Variants in TAS2R1 observed in about 807,000 individuals in gnomAD.
The protein encoded by TAS2R1 is taste receptor type 2 member 1.
For missense variants in TAS2R1, 370 were observed against 353.4 expected, an observed-to-expected ratio of 1.05 and a Z score of -0.38; for synonymous variants, 141 against 134.2, an observed-to-expected ratio of 1.05 and a Z score of -0.35.
At chr5:9,813,310 A>T in the TAS2R1 span, among the ~76,000 whole-genome samples, 1 of 152,206 alleles carries the variant, frequency 6.6e-6, no homozygotes, top group Non-Finnish European at 1.5e-5. Flanking sequence ...CACAACTGTG[A>T]GACAATACAT....
intron 2 of TAS2R1, among the ~76,000 whole-genome samples, chr5:9,644,158 T>A (rs889212418): frequency 6.6e-6 from 1 of 152,182 alleles, no homozygotes; most frequent in Non-Finnish European, 1.5e-5. Flanking sequence ...GGAAGCTTTG[T>A]TATAATCACA....
chr5:9,883,115 T>A, the TAS2R1 span, among the ~76,000 whole-genome samples: 1 of 152,130 alleles, frequency 6.6e-6, no homozygotes. Flanking sequence ...CTCAGCAAAG[T>A]AATGCAGGAA....
At chr5:9,849,922 C>T in the TAS2R1 span, among the ~76,000 whole-genome samples, 1 of 152,194 alleles carries the variant, frequency 6.6e-6, no homozygotes, top group African/African-American at 2.4e-5. Context: ...AGACCAAACA[C>T]TCACCCAGAT....
chr5:9,770,967 T>C, the TAS2R1 span, among the ~76,000 whole-genome samples: 20 of 152,318 alleles, frequency 1.3e-4, no homozygotes, highest in African/African-American at 4.6e-4. Flanking sequence ...ATCCTTGTCA[T>C]GTTGCAGATC....
At position 9,660,764 on chromosome 5, in the gene TAS2R1, G is replaced by C. The variant is rs73743132; in HGVS notation, c.-241-1183C>G. Among the ~76,000 whole-genome samples the C allele has an allele frequency of 8.6e-3, 1,308 of 152,296 alleles. 20 individuals are homozygous for C. Among genetic ancestry groups the C allele is most frequent in the African/African-American group, 0.029 (1,201 of 41,546 alleles). ...CTGAGTGGATCCAGTCTAATTGCAT[G>C]AGTTCTTAAAATAGGAAGGGGAATC... On this transcript the variant is annotated intron_variant, in intron 1 of 2. Coordinates refer to the TAS2R1 transcript ENST00000506620.
chr5:9,810,564 G>C, the TAS2R1 span, among the ~76,000 whole-genome samples: 11 of 152,136 alleles, frequency 7.2e-5, no homozygotes, highest in Non-Finnish European at 1.2e-4. Flanking sequence ...TAGGTTTCAG[G>C]GGGGCATGGG....
chr5:9,681,046 A>G (rs1006282171), intron 1 of TAS2R1, among the ~76,000 whole-genome samples: 6 of 152,154 alleles, frequency 3.9e-5, no homozygotes, highest in Non-Finnish European at 7.3e-5. Context: ...TGGGTGACAG[A>G]GAGAGACTCC....
At chr5:9,687,602 ATGTCCTCC>A (rs1741154148) in intron 1 of TAS2R1, among the ~76,000 whole-genome samples, 1 of 152,172 alleles carries the variant, frequency 6.6e-6, no homozygotes, top group African/African-American at 2.4e-5. Context: ...GAAGAAAACA[ATGTCCTCC>A]GGTTGGTCCC....
the TAS2R1 span, among the ~76,000 whole-genome samples, chr5:9,831,186 T>C: frequency 3.3e-5 from 5 of 152,178 alleles, no homozygotes; most frequent in Non-Finnish European, 5.9e-5. Context: ...GACTGTAACT[T>C]GGTGGAACTC....
the TAS2R1 span, among the ~76,000 whole-genome samples, chr5:9,774,638 C>G: frequency 2.2e-4 from 34 of 152,262 alleles, no homozygotes; most frequent in Admixed American, 2.0e-3. Flanking sequence ...GTAGCCATAT[C>G]TGCATTAGGG....
At chr5:9,640,514 A>AC (rs1311634596) in intron 2 of TAS2R1, among the ~76,000 whole-genome samples, 1 of 150,644 alleles carries the variant, frequency 6.6e-6, no homozygotes, top group Admixed American at 6.6e-5. Flanking sequence ...AAAAAAAAAA[A>AC]AAAAAAAACA....
At chr5:9,897,046 G>C in the TAS2R1 span, among the ~76,000 whole-genome samples, 1 of 152,182 alleles carries the variant, frequency 6.6e-6, no homozygotes, top group African/African-American at 2.4e-5. Context: ...TAGGGCACCA[G>C]GAAAAATGGC....
At chr5:9,836,834 C>T in the TAS2R1 span, among the ~76,000 whole-genome samples, 1 of 152,096 alleles carries the variant, frequency 6.6e-6, no homozygotes, top group South Asian at 2.1e-4. Flanking sequence ...AAAATCATTG[C>T]AAGATTTTGC....
At chr5:9,847,247 T>A in the TAS2R1 span, among the ~76,000 whole-genome samples, 1 of 152,226 alleles carries the variant, frequency 6.6e-6, no homozygotes. Flanking sequence ...TAAGAAAATG[T>A]TTGTACTTCT....
At chr5:9,820,083 A>G in the TAS2R1 span, among the ~76,000 whole-genome samples, 2 of 152,078 alleles carry the variant, frequency 1.3e-5, no homozygotes, top group African/African-American at 4.8e-5. Context: ...TTATATCCCA[A>G]GCAGAAGTCT....
At chr5:9,865,717 T>C in the TAS2R1 span, among the ~76,000 whole-genome samples, 1 of 152,252 alleles carries the variant, frequency 6.6e-6, no homozygotes, top group Admixed American at 6.5e-5. Flanking sequence ...TTTAACGAGA[T>C]TATTCAATTG....
At chr5:9,843,433 G>A in the TAS2R1 span, among the ~76,000 whole-genome samples, 4 of 152,120 alleles carry the variant, frequency 2.6e-5, no homozygotes, top group South Asian at 6.2e-4. Context: ...CTTACCTACA[G>A]TATAGAATAT....
chr5:9,758,101 T>G, the TAS2R1 span, among the ~76,000 whole-genome samples: 1 of 152,210 alleles, frequency 6.6e-6, no homozygotes, highest in Non-Finnish European at 1.5e-5. Flanking sequence ...ATAGCACATT[T>G]TTAAAAGTCT....
chr5:9,807,984 A>G, the TAS2R1 span, among the ~76,000 whole-genome samples: 1 of 152,190 alleles, frequency 6.6e-6, no homozygotes. Context: ...TGTACCAAGA[A>G]GTGGGGTGTT....
Sources: allele counts gnomAD v4.1 joint callset (sites outside exome capture counted in the v4.1 genomes callset), GRCh38; gene constraint gnomAD v4.1.1; transcripts MANE v1.5; gene names NCBI Gene and HGNC (gene_info 2026-07-23, HGNC 2026-07-21).